Variants in PCDH15 observed in about 807,000 individuals in gnomAD.
The protein encoded by PCDH15 is protocadherin related 15.
PCDH15 carries 129 observed loss-of-function variants against 178.5 expected under a neutral mutation model. The observed-to-expected ratio is 0.72, with a 90% CI of 0.63 to 0.84. The LOEUF (loss-of-function observed/expected upper bound fraction) is 0.84. Among genes scored for constraint, PCDH15 ranks in the 40% least tolerant of loss-of-function variants. The probability of loss-of-function intolerance (pLI) is 0.00; values close to 1 mark genes in which losing one functional copy is unlikely to be tolerated. For missense variants in PCDH15, 2,230 were observed against 2,099.9 expected (o/e 1.06, Z -1.21); for synonymous variants, 800 against 732.0 (o/e 1.09, Z -1.50).
At chr10:54,546,703 T>A (rs2085896863) in intron 2 of PCDH15, among the ~76,000 whole-genome samples, 1 of 152,188 alleles carries the variant, frequency 6.6e-6, no homozygotes, top group Admixed American at 6.5e-5. Flanking sequence ...TTAAAACACA[T>A]TTAGATTTAA....
At chr10:54,635,940 G>A (rs1031344351) in intron 2 of PCDH15, among the ~76,000 whole-genome samples, 2 of 151,536 alleles carry the variant, frequency 1.3e-5, no homozygotes, top group Non-Finnish European at 3.0e-5. Context: ...CAAAGAAAAC[G>A]AGAAATATTT....
intron 13 of PCDH15, among the ~76,000 whole-genome samples, chr10:54,176,168 A>G (rs995674743): frequency 7.9e-5 from 12 of 152,130 alleles, no homozygotes; most frequent in African/African-American, 2.9e-4. Flanking sequence ...ATTAAATTCT[A>G]TGGACATTAA....
chr10:54,993,259 A>G (rs1233000814), intron 2 of PCDH15, among the ~76,000 whole-genome samples: 1 of 152,210 alleles, frequency 6.6e-6, no homozygotes, highest in Admixed American at 6.5e-5. Flanking sequence ...GAATAAATAA[A>G]GATCTGAAGC....
At chr10:55,597,589 T>C (rs2132138736) in intron 2 of PCDH15, among the ~76,000 whole-genome samples, 1 of 152,312 alleles carries the variant, frequency 6.6e-6, no homozygotes, top group Non-Finnish European at 1.5e-5. Context: ...ACTTATATAA[T>C]ACTTCAAGCA....
At chr10:53,941,457 G>C (rs1589534402) in intron 23 of PCDH15, among the ~76,000 whole-genome samples, 1 of 152,178 alleles carries the variant, frequency 6.6e-6, no homozygotes, top group African/African-American at 2.4e-5. Flanking sequence ...CTTTCACTTA[G>C]TAATATGCAT....
intron 8 of PCDH15, among the ~76,000 whole-genome samples, chr10:54,241,920 A>G (rs1358400762): frequency 1.4e-5 from 2 of 145,230 alleles, no homozygotes; most frequent in Non-Finnish European, 3.1e-5. Flanking sequence ...AAATTATTCT[A>G]TTTTGAATAC....
At chr10:54,243,535 T>G (rs1437206118) in intron 8 of PCDH15, among the ~76,000 whole-genome samples, 2 of 152,142 alleles carry the variant, frequency 1.3e-5, no homozygotes, top group Admixed American at 6.5e-5. Context: ...ACATTATTAG[T>G]CTCATTTCAT....
At chr10:55,038,538 A>T (rs1435636787) in intron 2 of PCDH15, among the ~76,000 whole-genome samples, 1 of 152,220 alleles carries the variant, frequency 6.6e-6, no homozygotes, top group Non-Finnish European at 1.5e-5. Context: ...CAAAAAGCAG[A>T]ATTTAACTCT....
At chr10:55,048,468 A>G (rs534468290) in intron 2 of PCDH15, among the ~76,000 whole-genome samples, 1 of 152,024 alleles carries the variant, frequency 6.6e-6, no homozygotes, top group Non-Finnish European at 1.5e-5. Context: ...ACCAAATAAC[A>G]CTTTATAGAA....
chr10:55,588,342 A>C (rs1842768672), intron 2 of PCDH15, among the ~76,000 whole-genome samples: 1 of 152,160 alleles, frequency 6.6e-6, no homozygotes, highest in African/African-American at 2.4e-5. Flanking sequence ...TGCTTCTGAA[A>C]ATTTTTACTG....
intron 22 of PCDH15, 145 bp downstream of exon 22, chr10:53,961,607 G>T: frequency 9.0e-6 from 5 of 552,668 alleles, no homozygotes; most frequent in Admixed American, 3.9e-5. Flanking sequence ...ATTTTTGTAA[G>T]TTTCTAAGAG....
At chr10:53,969,431 T>C (rs562121454) in intron 21 of PCDH15, among the ~76,000 whole-genome samples, 22 of 152,294 alleles carry the variant, frequency 1.4e-4, no homozygotes, top group African/African-American at 5.3e-4. Context: ...TGGAAAACAC[T>C]CTGCAGGATA....
intron 4 of PCDH15, among the ~76,000 whole-genome samples, chr10:54,373,634 A>T (rs1948005940): frequency 6.6e-6 from 1 of 152,164 alleles, no homozygotes; most frequent in East Asian, 1.9e-4. Context: ...TATTTGTTAT[A>T]TGAAAAGTTT....
intron 1 of PCDH15, among the ~76,000 whole-genome samples, chr10:54,686,372 A>C (rs2135729611): frequency 6.6e-6 from 1 of 152,286 alleles, no homozygotes; most frequent in East Asian, 1.9e-4. Flanking sequence ...TTTTAAAGAA[A>C]GCATTAAATA....
intron 21 of PCDH15, among the ~76,000 whole-genome samples, chr10:53,970,681 A>G (rs1348209338): frequency 2.6e-5 from 4 of 152,116 alleles, no homozygotes; most frequent in African/African-American, 7.2e-5. Flanking sequence ...ATAAGCTAGA[A>G]AGTCTAGAAG....
chr10:55,085,802 T>C (rs1842155032), intron 2 of PCDH15, among the ~76,000 whole-genome samples: 1 of 151,816 alleles, frequency 6.6e-6, no homozygotes, highest in Non-Finnish European at 1.5e-5. Context: ...AGCATTGAGT[T>C]TAATCAGCTG....
rs1953079866 is a variant in PCDH15 at position 54,823,416 on chromosome 10, T to C, written c.-29+74034A>G. ...GCAAGAAAGACTTACAGTTGTTATGTAATGGTAAAAGCTTGTAACACTGGT... is the reference window on the plus strand; with the variant it reads ...GCAAGAAAGACTTACAGTTGTTATGCAATGGTAAAAGCTTGTAACACTGGT... On this transcript the variant is annotated intron_variant, in intron 3 of 5. Coordinates refer to the PCDH15 transcript ENST00000458638. Among the ~76,000 whole-genome samples the C allele has an allele frequency of 6.6e-5, 10 of 152,264 alleles. No individual in the cohort carries two copies. The South Asian group carries it at 2.1e-3, about 32-fold the overall frequency.
chr10:55,047,153 T>C (rs933506726), intron 2 of PCDH15, among the ~76,000 whole-genome samples: 2 of 151,970 alleles, frequency 1.3e-5, no homozygotes, highest in African/African-American at 4.8e-5. Context: ...AGTTCTATTG[T>C]ATTTAAACTT....
chr10:55,181,585 C>T (rs572479519), intron 1 of PCDH15, among the ~76,000 whole-genome samples: 25 of 151,858 alleles, frequency 1.6e-4, no homozygotes, highest in South Asian at 2.1e-4. Flanking sequence ...AATTTATTGA[C>T]GATAATTTTC....
Sources: allele counts gnomAD v4.1 joint callset (sites outside exome capture counted in the v4.1 genomes callset), GRCh38; gene constraint gnomAD v4.1.1; transcripts MANE v1.5; gene names NCBI Gene and HGNC (gene_info 2026-07-23, HGNC 2026-07-21).